The following SLC9A9 variants were observed in gnomAD, a reference collection of about 807,000 sequenced individuals.
SLC9A9 encodes solute carrier family 9 member A9, also known as sodium/hydrogen exchanger 9.
In SLC9A9, 62 loss-of-function variants were observed where a neutral mutation model predicts 77.8. The observed-to-expected ratio is 0.80, with a 90% CI of 0.65 to 0.98. The LOEUF (loss-of-function observed/expected upper bound fraction) is 0.98, where lower values mean the gene tolerates loss of function less well. SLC9A9 is among the 50% of genes least tolerant of loss of function. The pLI, the probability that SLC9A9 is intolerant of heterozygous loss-of-function variation, is 0.00. For synonymous variants in SLC9A9, 320 were observed against 283.5 expected, an observed-to-expected ratio of 1.13 and a Z score of -1.29; for missense variants, 775 against 774.9, an observed-to-expected ratio of 1.00 and a Z score of 0.00.
intron 14 of SLC9A9, among the ~76,000 whole-genome samples, chr3:143,307,952 G>A (rs137945539): frequency 6.6e-6 from 1 of 152,304 alleles, no homozygotes; most frequent in Non-Finnish European, 1.5e-5. Context: ...CTACAATCCT[G>A]GAAAAACCTG....
chr3:143,820,202 C>T (rs2009130983), intron 2 of SLC9A9, among the ~76,000 whole-genome samples: 1 of 152,168 alleles, frequency 6.6e-6, no homozygotes, highest in Non-Finnish European at 1.5e-5. Flanking sequence ...GGCATTTGAT[C>T]CAAGTTATAT....
chr3:143,273,202 C>T (rs1937946505), intron 14 of SLC9A9, among the ~76,000 whole-genome samples: 1 of 152,178 alleles, frequency 6.6e-6, no homozygotes. Flanking sequence ...CCCCAACGAT[C>T]CAGCTCCACA....
chr3:143,728,878 G>A (rs1482077068), intron 4 of SLC9A9, among the ~76,000 whole-genome samples: 3 of 151,796 alleles, frequency 2.0e-5, no homozygotes, highest in Non-Finnish European at 4.4e-5. Flanking sequence ...TAACTGATAT[G>A]GTGGAGATAC....
At chr3:143,584,625 G>A (rs542827072) in intron 6 of SLC9A9, among the ~76,000 whole-genome samples, 1 of 152,220 alleles carries the variant, frequency 6.6e-6, no homozygotes, top group Non-Finnish European at 1.5e-5. Context: ...AAAAATTATT[G>A]GCACCAGTTC....
intron 8 of SLC9A9, among the ~76,000 whole-genome samples, chr3:143,566,472 AT>A (rs543697991): frequency 6.6e-6 from 1 of 151,994 alleles, no homozygotes; most frequent in African/African-American, 2.4e-5. Flanking sequence ...CCACACTTTC[AT>A]TTTTTTTAAG....
At chr3:143,302,845 TG>T (rs1274631187) in intron 14 of SLC9A9, among the ~76,000 whole-genome samples, 4 of 152,220 alleles carry the variant, frequency 2.6e-5, no homozygotes, top group African/African-American at 9.6e-5. Flanking sequence ...TCACGTTTTC[TG>T]GAATTCGATG....
intron 2 of SLC9A9, among the ~76,000 whole-genome samples, chr3:143,812,931 G>A (rs1273647193): frequency 1.3e-5 from 2 of 152,202 alleles, no homozygotes; most frequent in Non-Finnish European, 1.5e-5. Flanking sequence ...TTTGGCATAT[G>A]TTGTGATTTG....
intron 4 of SLC9A9, among the ~76,000 whole-genome samples, chr3:143,720,407 A>G (rs1934466684): frequency 6.6e-6 from 1 of 152,198 alleles, no homozygotes; most frequent in Non-Finnish European, 1.5e-5. Flanking sequence ...CCTGCCAATC[A>G]AAGTCAGAAC....
rs560521795 is a variant in SLC9A9 at position 143,271,868 on chromosome 3, T to C, written c.1605-2888A>G. Reference sequence around the variant, plus strand: ...GAGTGTGGTCTGCAGCCATATCAAATGTGGAGCTGAGTCTGTTCTTCAGCA... The same window carrying C: ...GAGTGTGGTCTGCAGCCATATCAAACGTGGAGCTGAGTCTGTTCTTCAGCA... On this transcript the variant is annotated intron_variant, in intron 14 of 15. Coordinates refer to ENST00000316549, the MANE Select transcript of SLC9A9 (RefSeq NM_173653.4). Among the ~76,000 whole-genome samples, 6 of 152,328 alleles carry C rather than the reference T, an allele frequency of 3.9e-5. No homozygotes were observed. The South Asian group carries it at 8.3e-4, about 21-fold the overall frequency.
intron 14 of SLC9A9, among the ~76,000 whole-genome samples, chr3:143,296,701 TTC>T (rs2030284568): frequency 6.6e-6 from 1 of 152,198 alleles, no homozygotes. Context: ...CTGGTTATCT[TTC>T]TCTCTTTTTT....
chr3:143,713,669 G>A (rs1322081387), intron 4 of SLC9A9, among the ~76,000 whole-genome samples: 1 of 152,140 alleles, frequency 6.6e-6, no homozygotes, highest in African/African-American at 2.4e-5. Context: ...CCATATAACA[G>A]AAAACAGGTA....
intron 13 of SLC9A9, among the ~76,000 whole-genome samples, chr3:143,370,961 G>C (rs2033046201): frequency 6.6e-6 from 1 of 151,930 alleles, no homozygotes; most frequent in African/African-American, 2.4e-5. Flanking sequence ...TGAAGGTAAG[G>C]AGATAAAGTT....
At chr3:143,481,106 C>G (rs767912654) in intron 11 of SLC9A9, among the ~76,000 whole-genome samples, 1 of 152,164 alleles carries the variant, frequency 6.6e-6, no homozygotes, top group Non-Finnish European at 1.5e-5. Flanking sequence ...TAGAAGCCTA[C>G]TCACCTTCAA....
chr3:143,791,259 A>G (rs1043705748), intron 4 of SLC9A9, among the ~76,000 whole-genome samples: 1 of 152,220 alleles, frequency 6.6e-6, no homozygotes, highest in Middle Eastern at 3.2e-3. Context: ...GCCAGAAGGA[A>G]TATTGTTAAA....
At chr3:143,739,643 T>C (rs1200138551) in intron 4 of SLC9A9, among the ~76,000 whole-genome samples, 2 of 152,184 alleles carry the variant, frequency 1.3e-5, no homozygotes, top group African/African-American at 4.8e-5. Flanking sequence ...TCATTTCATT[T>C]CTCCAAAAAT....
At chr3:143,741,193 CT>C (rs1351913801) in intron 4 of SLC9A9, among the ~76,000 whole-genome samples, 7 of 152,144 alleles carry the variant, frequency 4.6e-5, no homozygotes, top group African/African-American at 1.7e-4. Context: ...GGAGAAATAG[CT>C]GTTCCTAACA....
intron 5 of SLC9A9, among the ~76,000 whole-genome samples, chr3:143,666,028 CA>C (rs1419608541): frequency 6.6e-6 from 1 of 151,930 alleles, no homozygotes; most frequent in Non-Finnish European, 1.5e-5. Flanking sequence ...GACACGACTA[CA>C]AAAAAAGAGA....
intron 12 of SLC9A9, among the ~76,000 whole-genome samples, chr3:143,391,059 C>T (rs2033553884): frequency 6.6e-6 from 1 of 152,248 alleles, no homozygotes; most frequent in Non-Finnish European, 1.5e-5. Flanking sequence ...GCAGAATCCT[C>T]TGCAGACTTA....
At chr3:143,635,773 T>C (rs1269943723) in intron 6 of SLC9A9, among the ~76,000 whole-genome samples, 1 of 152,240 alleles carries the variant, frequency 6.6e-6, no homozygotes, top group Non-Finnish European at 1.5e-5. Flanking sequence ...TAGTATGATG[T>C]GCTATCAGGT....
Sources: allele counts gnomAD v4.1 joint callset (sites outside exome capture counted in the v4.1 genomes callset), GRCh38; gene constraint gnomAD v4.1.1; transcripts MANE v1.5; gene names NCBI Gene and HGNC (gene_info 2026-07-23, HGNC 2026-07-21).